FFAR4: variants seen among roughly 807,000 people sequenced by gnomAD.
FFAR4 encodes the protein free fatty acid receptor 4, also known as G-protein coupled receptor 120.
Under a neutral mutation model 27.0 loss-of-function variants are expected in FFAR4, and 19 were observed. That is an observed-to-expected ratio of 0.70 (90% CI 0.49 to 1.03). The LOEUF (loss-of-function observed/expected upper bound fraction) is 1.03, where lower values mean the gene tolerates loss of function less well. FFAR4 is among the 50% of genes least tolerant of loss of function. The pLI, the probability that FFAR4 is intolerant of heterozygous loss-of-function variation, is 0.00. For synonymous variants in FFAR4, 254 were observed against 215.6 expected, an observed-to-expected ratio of 1.18 and a Z score of -1.56; for missense variants, 476 against 479.0, an observed-to-expected ratio of 0.99 and a Z score of 0.06.
intron 1 of FFAR4, among the ~76,000 whole-genome samples, chr10:93,569,312 A>C (rs1285632301): frequency 6.6e-6 from 1 of 152,146 alleles, no homozygotes; most frequent in Non-Finnish European, 1.5e-5. Flanking sequence ...AACCCTAATT[A>C]ATTGGCAAAT....
intron 1 of FFAR4, among the ~76,000 whole-genome samples, chr10:93,574,519 G>A (rs969670032): frequency 6.6e-6 from 1 of 152,166 alleles, no homozygotes; most frequent in Non-Finnish European, 1.5e-5. Flanking sequence ...AGAGGCCTGA[G>A]TACAAAAGGA....
At chr10:93,572,165 G>A (rs1382565222) in intron 1 of FFAR4, among the ~76,000 whole-genome samples, 1 of 152,194 alleles carries the variant, frequency 6.6e-6, no homozygotes, top group African/African-American at 2.4e-5. Context: ...ACACACTTCA[G>A]TGGGGACTCC....
intron 1 of FFAR4, among the ~76,000 whole-genome samples, chr10:93,571,804 T>A (rs2058133429): frequency 1.3e-5 from 2 of 152,158 alleles, no homozygotes; most frequent in African/African-American, 4.8e-5. Context: ...GTTCTTAAAA[T>A]AATCTTGAAG....
At chr10:93,568,168 C>T (rs979583338) in intron 1 of FFAR4, among the ~76,000 whole-genome samples, 1 of 150,930 alleles carries the variant, frequency 6.6e-6, no homozygotes, top group Non-Finnish European at 1.5e-5. Flanking sequence ...CCGCTTTGCC[C>T]GGTGGTTGCA....
chr10:93,577,078 A>G (rs1458406976), intron 2 of FFAR4, among the ~76,000 whole-genome samples: 2 of 152,134 alleles, frequency 1.3e-5, no homozygotes, highest in Admixed American at 6.6e-5. Context: ...CTACCTTTAA[A>G]ACAAATATGT....
intron 1 of FFAR4, among the ~76,000 whole-genome samples, chr10:93,568,331 G>C (rs956819110): frequency 1.3e-5 from 2 of 152,144 alleles, no homozygotes; most frequent in African/African-American, 2.4e-5. Flanking sequence ...TGTGCGCTGG[G>C]GGCTCAGCCT....
At chr10:93,574,496 GT>G (rs1163114134) in intron 1 of FFAR4, among the ~76,000 whole-genome samples, 2 of 152,136 alleles carry the variant, frequency 1.3e-5, no homozygotes, top group Non-Finnish European at 2.9e-5. Flanking sequence ...GGAATGAGGG[GT>G]CCATAGTGGG....
intron 2 of FFAR4, 136 bp from the exon 3 acceptor site, chr10:93,587,084 T>G (rs925257971): frequency 1.5e-5 from 11 of 712,006 alleles, no homozygotes; most frequent in African/African-American, 7.2e-5. Flanking sequence ...CATCCTAAGC[T>G]CGGGCACACA....
chr10:93,581,974 G>A (rs962301802), intron 2 of FFAR4, among the ~76,000 whole-genome samples: 1 of 152,166 alleles, frequency 6.6e-6, no homozygotes, highest in African/African-American at 2.4e-5. Flanking sequence ...CAAAACTGCG[G>A]CAACCACAGA....
chr10:93,568,747 T>C (rs566165809), intron 1 of FFAR4, among the ~76,000 whole-genome samples: 6 of 152,336 alleles, frequency 3.9e-5, no homozygotes, highest in African/African-American at 1.4e-4. Context: ...TGCGAGATTT[T>C]TTTTTTTAAA....
At chr10:93,574,626 C>A (rs151195634) in intron 1 of FFAR4, among the ~76,000 whole-genome samples, 2 of 152,022 alleles carry the variant, frequency 1.3e-5, no homozygotes, top group Non-Finnish European at 2.9e-5. Context: ...TGGTGGCTCA[C>A]GCCTGTAATC....
Position 93,574,653 on chromosome 10 carries a change from C to T in FFAR4, c.568-1438C>T, listed in dbSNP as rs371637408. Among the ~76,000 whole-genome samples, 314 of 152,108 alleles carry T rather than the reference C, an allele frequency of 2.1e-3. 1 individual carries two copies. Among genetic ancestry groups the T allele is most frequent in the African/African-American group, 7.1e-3 (294 of 41,476 alleles). On this transcript the variant is annotated intron_variant, in intron 1 of 2. Transcript: ENST00000371481. ...CCTGTAATCCCATCACTTTGTGAGG[C>T]CAAGGCGGGCGGATCACAAGGTCAG...
intron 2 of FFAR4, among the ~76,000 whole-genome samples, chr10:93,582,893 G>A (rs2058206611): frequency 6.6e-6 from 1 of 152,148 alleles, no homozygotes; most frequent in South Asian, 2.1e-4. Flanking sequence ...GGAGAGAGAA[G>A]AGAGTGAGCA....
rs2058241465 is a variant in FFAR4 at position 93,588,177 on chromosome 10, ATATT to A, written c.*576_*579del. Reference sequence around the variant, plus strand: ...TTTGTAATATGATCAAATTTAATAAATATTTATTTATGACTGTTCAGCAATCACA... The same window carrying A: ...TTTGTAATATGATCAAATTTAATAAATATTTATGACTGTTCAGCAATCACA... On this transcript the variant is annotated 3_prime_UTR_variant, in exon 3 of 3. Transcript: ENST00000371481. The A allele has an allele frequency of 6.6e-6, 1 of 152,430 alleles. No homozygotes were observed. The highest frequency in any genetic ancestry group is 6.5e-5 in the Admixed American group (1 of 15,306). 9.4% of individuals were successfully genotyped at this position (152,430 alleles called of 1,614,324 possible).
Position 93,567,040 on chromosome 10 carries a change from GC to G in FFAR4, c.324del (p.Val109LeufsTer9). On this transcript the variant is annotated frameshift_variant, in exon 1 of 3. Coordinates refer to ENST00000371481, the MANE Select transcript of FFAR4 (RefSeq NM_001195755.2). LOFTEE classifies it high-confidence loss of function. ...CGCTGGACTGAGGCCTGGCTGCTGG[GC>G]CCCGTTGCCTGCCACCTGCTCTTCT... ...AVRWTEAWLL[G>X]PVACHLLFYV... The G allele has an allele frequency of 6.2e-7, 1 of 1,611,498 alleles. No homozygotes were observed.
chr10:93,569,795 A>G (rs1745715645), intron 1 of FFAR4, among the ~76,000 whole-genome samples: 1 of 151,788 alleles, frequency 6.6e-6, no homozygotes, highest in East Asian at 1.9e-4. Flanking sequence ...ATGCTGGCTC[A>G]CACCTGTAAT....
intron 1 of FFAR4, among the ~76,000 whole-genome samples, chr10:93,567,795 T>C (rs1409607960): frequency 2.0e-5 from 3 of 152,084 alleles, no homozygotes; most frequent in African/African-American, 7.2e-5. Flanking sequence ...CTGTCCAGGG[T>C]TGGGTTATGG....
Position 93,566,692 on chromosome 10 carries a change from A to T in FFAR4, c.-29A>T, listed in dbSNP as rs1293730876. The T allele has an allele frequency of 1.4e-6, 2 of 1,463,010 alleles. No homozygotes were observed. Among genetic ancestry groups the T allele is most frequent in the Non-Finnish European group, 1.8e-6 (2 of 1,086,098 alleles). The allele number at this position is 1,463,010 out of a possible 1,614,324, so 90.6% of individuals were successfully genotyped here. A position where few individuals can be genotyped will look rare whatever the true frequency, so the allele number is the denominator to read the frequency against. ...TCGCCTCCCAGATGAGCACTCTCTC[A>T]GACCGCTGCGGGCCGCCAGGCGCCG... On this transcript the variant is annotated 5_prime_UTR_variant, in exon 1 of 3. Coordinates refer to ENST00000371481, the MANE Select transcript of FFAR4 (RefSeq NM_001195755.2).
rs370276020 is a variant in FFAR4, at chr10:93,587,495, A to T, written c.972A>T (p.Thr324=). 1.2e-6 allele frequency: 2 copies of T among 1,613,430 alleles called. No homozygotes were observed. The highest frequency in any genetic ancestry group is 1.7e-6 in the Non-Finnish European group (2 of 1,179,890). Residue 324 remains threonine, a synonymous_variant, in exon 3 of 3, where the codon ACA becomes ACT. Coordinates refer to ENST00000371481, the MANE Select transcript of FFAR4 (RefSeq NM_001195755.2). ...SALNPILYNM[T]LCRNEWKKIF... ...TAAACCCCATCCTCTACAACATGACACTGTGCAGGAATGAGTGGAAGAAAA... is the reference window on the plus strand; with the variant it reads ...TAAACCCCATCCTCTACAACATGACTCTGTGCAGGAATGAGTGGAAGAAAA...
Sources: gnomAD v4.1 joint callset for allele counts (sites outside exome capture counted in the v4.1 genomes callset) on GRCh38, gnomAD v4.1.1 for gene constraint, MANE v1.5 for transcripts, NCBI Gene and HGNC (gene_info 2026-07-23, HGNC 2026-07-21) for gene names.